LIPE: variants seen among roughly 807,000 people sequenced by gnomAD.
LIPE encodes the protein lipase E, hormone sensitive type.
LIPE carries 66 observed loss-of-function variants against 88.5 expected under a neutral mutation model. That is an observed-to-expected ratio of 0.75 (90% confidence interval 0.61 to 0.91). LIPE has a LOEUF of 0.91. LIPE is among the 40% of genes least tolerant of loss of function. The probability of loss-of-function intolerance (pLI) is 0.00; values close to 1 mark genes in which losing one functional copy is unlikely to be tolerated. For missense variants in LIPE, 1,346 were observed against 1,434.7 expected (o/e 0.94, Z 1.00); for synonymous variants, 570 against 617.5 (o/e 0.92, Z 1.14).
Position 42,415,811 on chromosome 19 carries a change from A to G in LIPE, c.884-4969T>C, listed in dbSNP as rs771701363. On this transcript the variant is annotated intron_variant, in intron 1 of 9. Coordinates refer to ENST00000244289, the MANE Select transcript of LIPE (RefSeq NM_005357.4). ...GGTGACAGAGTGAGACTCCGTCTGG[A>G]AAAAAAAAAAAAAAGTGAACTAGGC... 2.8e-4 allele frequency among the ~76,000 whole-genome samples: 38 copies of G among 138,122 alleles called. No homozygotes were observed. The South Asian group carries it at 3.9e-3, about 14-fold the overall frequency. 90.6% of individuals were successfully genotyped at this position (138,122 alleles called of 152,430 possible). A position where few individuals can be genotyped will look rare whatever the true frequency, so the allele number is the denominator to read the frequency against.
chr19:42,412,173 T>C, intron 1 of LIPE: 2 of 615,248 alleles, frequency 3.3e-6, no homozygotes, highest in Non-Finnish European at 4.1e-6. Context: ...CAGGCTGCCC[T>C]GTTTCTTGGA....
chr19:42,408,531 C>T lies in LIPE; in HGVS notation c.1420-209G>A, dbSNP rs147836624. 118 of 568,650 alleles carry T rather than the reference C, an allele frequency of 2.1e-4. No homozygotes were observed. In the East Asian group the frequency reaches 2.9e-3, roughly 14 times the overall value. The allele number at this position is 568,650 out of a possible 1,614,324, so 35.2% of individuals were successfully genotyped here. A position where few individuals can be genotyped will look rare whatever the true frequency, so the allele number is the denominator to read the frequency against. On this transcript the variant is annotated intron_variant, in intron 2 of 9. Coordinates refer to ENST00000244289, the MANE Select transcript of LIPE (RefSeq NM_005357.4). This position sits in a 1 kb window ranked among gnomAD's most constrained non-coding sequence, Gnocchi z 4.3. ...TGATCAGCAGATAAGCAAAGCCACG[C>T]GCAGTATCATGACAAGGAATGACGA...
Position 42,410,362 on chromosome 19 carries a change from C to G in LIPE, c.1364G>C (p.Arg455Pro), listed in dbSNP as rs368651289. The change falls in exon 2 of 10, where the codon CGG becomes CCG. Residue 455 changes from arginine to proline, a missense_variant. Transcript: ENST00000244289. This position sits in a 1 kb window ranked among gnomAD's most constrained non-coding sequence, Gnocchi z 6.1. ...GDEGLTADFL[R>P]EYVTLHKGCF... ...TCCCTTATGCAGCGTGACATACTCC[C>G]GGAGGAAGTCGGCGGTGAGCCCCTC... The G allele has an allele frequency of 6.2e-7, 1 of 1,613,530 alleles. No individual in the cohort carries two copies. The highest frequency in any genetic ancestry group is 1.3e-5 in the African/African-American group (1 of 75,044).
intron 1 of LIPE, chr19:42,423,424 G>T: frequency 7.8e-7 from 1 of 1,289,508 alleles, no homozygotes; most frequent in South Asian, 1.2e-5. Context: ...CTCACCTTTG[G>T]CCTTGTCTTT....
chr19:42,426,791 C>G lies in LIPE; in HGVS notation c.359G>C (p.Gly120Ala), dbSNP rs1224346826. The change falls in exon 1 of 10, where the codon GGA becomes GCA. Residue 120 changes from glycine to alanine, a missense_variant. Coordinates refer to ENST00000244289, the MANE Select transcript of LIPE (RefSeq NM_005357.4). ...EAASQQGPGL[G>A]KESITQQEPA... ...CTCCTGTTGAGTTATAGATTCTTTT[C>G]CTAGCCCAGGTCCCTGCTGGGAGGC... 6.2e-7 allele frequency: 1 copy of G among 1,613,880 alleles called. No homozygotes were observed. Among genetic ancestry groups the G allele is most frequent in the East Asian group, 2.2e-5 (1 of 44,866 alleles).
At chr19:42,411,211 T>C in intron 1 of LIPE, 1 of 715,386 alleles carries the variant, frequency 1.4e-6, no homozygotes, top group Non-Finnish European at 1.7e-6. Flanking sequence ...TGCCCTGGCC[T>C]CCTGAATCCG....
At chr19:42,412,181 G>T in intron 1 of LIPE, 1 of 696,972 alleles carries the variant, frequency 1.4e-6, no homozygotes, top group Non-Finnish European at 1.8e-6. Context: ...CCTGTTTCTT[G>T]GATGCCCTGT....
rs1448974867 is a variant in LIPE, at chr19:42,402,008, T to C, written c.3035A>G (p.Gln1012Arg). Residue 1012 changes from glutamine (Q) to arginine (R), a missense_variant, in exon 10 of 10, where the codon CAG (glutamine) becomes CGG (arginine). Coordinates refer to ENST00000244289, the MANE Select transcript of LIPE (RefSeq NM_005357.4). Reference sequence around the variant, plus strand: ...CTCCACCACGCGCAGCGTCACCGGCTGGCCCAGGTTGCGCAGTCGCCGCGC... The same window carrying C: ...CTCCACCACGCGCAGCGTCACCGGCCGGCCCAGGTTGCGCAGTCGCCGCGC... ...MLARRLRNLG[Q>R]PVTLRVVEDL... 1.9e-6 allele frequency: 3 copies of C among 1,546,504 alleles called. No individual in the cohort carries two copies. Among genetic ancestry groups the C allele is most frequent in the East Asian group, 2.5e-5 (1 of 40,718 alleles).
Position 42,402,772 on chromosome 19 carries a change from G to T in LIPE, c.2802C>A (p.Gly934=), listed in dbSNP as rs1355613412. 6.3e-7 allele frequency: 1 copy of T among 1,598,018 alleles called. No homozygotes were observed. ...CGGGGAAGGCGGCACGGACGCCCAG[G>T]CCTCTGTCCATGGGGCTCAGCTCAT... ...AKNELSPMDR[G]LGVRAAFPEG... Residue 934 remains glycine, a synonymous_variant, in exon 9 of 10, where the codon GGC becomes GGA. Transcript: ENST00000244289.
Position 42,410,713 on chromosome 19 carries a change from A to G in LIPE, c.1013T>C (p.Phe338Ser). The change falls in exon 2 of 10, where the codon TTT becomes TCT. Residue 338 changes from phenylalanine to serine, a missense_variant. Transcript: ENST00000244289. The surrounding 1 kb of genome is among the most constrained non-coding windows in gnomAD (Gnocchi z 6.1). ...GETAQRLSGVFAGVREQALGL... is the reference protein window; with the variant it reads ...GETAQRLSGVSAGVREQALGL... ...CAGCGCCTGCTCCCGTACACCGGCA[A>G]AAACGCCTGACAGCCGCTGGGCCGT... The G allele has an allele frequency of 6.2e-7, 1 of 1,613,814 alleles. No homozygotes were observed. Among genetic ancestry groups the G allele is most frequent in the African/African-American group, 1.3e-5 (1 of 75,048 alleles).
intron 8 of LIPE, among the ~76,000 whole-genome samples, chr19:42,404,394 C>T (rs1305365376): frequency 2.0e-5 from 3 of 152,110 alleles, no homozygotes; most frequent in Non-Finnish European, 4.4e-5. Context: ...CCATGCCCGG[C>T]TAATTTTTGT....
intron 1 of LIPE, chr19:42,411,307 C>T (rs1353282780): frequency 1.0e-6 from 1 of 985,046 alleles, no homozygotes; most frequent in East Asian, 1.1e-4. Flanking sequence ...TTCTTTCTTC[C>T]TTCCAGGAAC....
rs766545813 is a variant in LIPE at position 42,407,470 on chromosome 19, T to C, written c.1843-2A>G. The C allele has an allele frequency of 6.2e-7, 1 of 1,608,276 alleles. No homozygotes were observed. Among genetic ancestry groups the C allele is most frequent in the Non-Finnish European group, 8.5e-7 (1 of 1,175,858 alleles). ...CAGGCTGCTGAGCTCCTCACTGTCC[T>C]GGGGGTGAGGAGGGAGACGGTGTGT... On this transcript the variant is annotated splice_acceptor_variant, in intron 5 of 9. Coordinates refer to ENST00000244289, the MANE Select transcript of LIPE (RefSeq NM_005357.4). LOFTEE classifies it high-confidence loss of function. The surrounding 1 kb of genome is among the most constrained non-coding windows in gnomAD (Gnocchi z 5.8).
intron 1 of LIPE, chr19:42,423,321 C>T: frequency 1.0e-6 from 1 of 959,264 alleles, no homozygotes; most frequent in South Asian, 1.4e-5. Flanking sequence ...GCGGACCCCC[C>T]CAACTCCCTG....
At position 42,421,319 on chromosome 19, in the gene LIPE, G is replaced by A. The variant is rs573487507; in HGVS notation, c.883+4948C>T. Among the ~76,000 whole-genome samples, 21 of 152,158 alleles carry A rather than the reference G, an allele frequency of 1.4e-4. 1 individual carries two copies. Among genetic ancestry groups the A allele is most frequent in the African/African-American group, 5.1e-4 (21 of 41,496 alleles). ...CAAGCCTCGGGTCTTTCTCCATACT[G>A]TCCTCTCTGTTCCCCTGCCTGCCCC... is the stretch of plus-strand genomic sequence containing the variant. On this transcript the variant is annotated intron_variant, in intron 1 of 9. Transcript: ENST00000244289.
intron 1 of LIPE, chr19:42,412,270 T>C (rs996606920): frequency 1.0e-6 from 1 of 985,464 alleles, no homozygotes; most frequent in African/African-American, 1.7e-5. Context: ...GCCCAGCACC[T>C]TGCCTGTTCC....
Position 42,406,267 on chromosome 19 carries a change from G to A in LIPE, c.2259C>T (p.Tyr753=). The A allele has an allele frequency of 1.2e-6, 2 of 1,613,940 alleles. No individual in the cohort carries two copies. Among genetic ancestry groups the A allele is most frequent in the Non-Finnish European group, 1.7e-6 (2 of 1,179,944 alleles). The change falls in exon 7 of 10, where the codon TAC becomes TAT. Residue 753 remains tyrosine (Y), a synonymous_variant. Coordinates refer to ENST00000244289, the MANE Select transcript of LIPE (RefSeq NM_005357.4). This position sits in a 1 kb window ranked among gnomAD's most constrained non-coding sequence, Gnocchi z 5.7. ...VRVPDGIMAA[Y]PATMLQPAAS... ...CGGCAGGCTGCAGCATTGTGGCCGG[G>A]TAGGCTGCCATGATGCCATCTGGCA...
chr19:42,425,883 A>G (rs1248964204), intron 1 of LIPE, among the ~76,000 whole-genome samples: 2 of 152,036 alleles, frequency 1.3e-5, no homozygotes, highest in Non-Finnish European at 2.9e-5. Flanking sequence ...GCTCATTGCA[A>G]CCTTTGCCTC....
At chr19:42,417,156 G>A (rs535126467) in intron 1 of LIPE, among the ~76,000 whole-genome samples, 2 of 152,322 alleles carry the variant, frequency 1.3e-5, no homozygotes, top group South Asian at 2.1e-4. Flanking sequence ...TCCTGACCTC[G>A]TGATTCGCCT....
Sources: gnomAD v4.1 joint callset for allele counts (sites outside exome capture counted in the v4.1 genomes callset) on GRCh38, gnomAD v4.1.1 for gene constraint, Gnocchi (gnomAD v3.1) non-coding constraint, MANE v1.5 for transcripts, NCBI Gene and HGNC (gene_info 2026-07-23, HGNC 2026-07-21) for gene names.